TBC1D14: variants seen among roughly 807,000 people sequenced by gnomAD.
The protein encoded by TBC1D14 is TBC1 domain family, member 14.
A neutral mutation model predicts 79.0 loss-of-function variants in TBC1D14; 26 were observed. The ratio of observed to expected loss-of-function variants is 0.33; its 90% confidence interval spans 0.24 to 0.46. The LOEUF (loss-of-function observed/expected upper bound fraction) is 0.46. Among genes scored for constraint, TBC1D14 ranks in the 20% least tolerant of loss-of-function variants. TBC1D14 has a pLI of 1.00. For synonymous variants in TBC1D14, 394 were observed against 349.9 expected (o/e 1.13, Z -1.40); for missense variants, 769 against 887.6 (o/e 0.87, Z 1.70).
chr4:6,982,976 A>G (rs1717514656), intron 3 of TBC1D14, among the ~76,000 whole-genome samples: 1 of 152,166 alleles, frequency 6.6e-6, no homozygotes, highest in African/African-American at 2.4e-5. Context: ...TTTCCACTGT[A>G]TACACTTTTG....
rs1399126343 is a variant in TBC1D14 at position 7,002,912 on chromosome 4, A to T, written c.1270+1661A>T. 2.0e-5 allele frequency among the ~76,000 whole-genome samples: 3 copies of T among 152,190 alleles called. No homozygotes were observed. The East Asian group carries it at 5.8e-4, about 29-fold the overall frequency. ...CCTCATTTTCCTCTAGAGAAGGCTCAGCATCCTGGAAAGGCTAGGACTGTG... is the reference window on the plus strand; with the variant it reads ...CCTCATTTTCCTCTAGAGAAGGCTCTGCATCCTGGAAAGGCTAGGACTGTG... On this transcript the variant is annotated intron_variant, in intron 7 of 13. Transcript: ENST00000409757.
chr4:6,994,244 A>G lies in TBC1D14; in HGVS notation c.904A>G (p.Lys302Glu). ...KPPSPKQNVR[K>E]NLDFEPLSTT... ...ACCCTCTCCAAAGCAGAATGTGAGG[A>G]AGAATCTTGACTTTGAACCACTTTC... Residue 302 changes from lysine (K) to glutamate (E), a missense_variant, in exon 4 of 14, where the codon AAG (lysine) becomes GAG (glutamate). Transcript: ENST00000409757. 6.2e-7 allele frequency: 1 copy of G among 1,614,218 alleles called. No homozygotes were observed. The highest frequency in any genetic ancestry group is 8.5e-7 in the Non-Finnish European group (1 of 1,180,030).
At chr4:6,981,712 GGTCA>G (rs1166255430) in intron 3 of TBC1D14, among the ~76,000 whole-genome samples, 7 of 152,126 alleles carry the variant, frequency 4.6e-5, no homozygotes, top group African/African-American at 1.7e-4. Context: ...CACAAGGCTG[GGTCA>G]GTGTTTGAAA....
intron 3 of TBC1D14, among the ~76,000 whole-genome samples, chr4:6,990,857 A>C (rs1425085687): frequency 6.6e-6 from 1 of 152,230 alleles, no homozygotes; most frequent in African/African-American, 2.4e-5. Flanking sequence ...ATCCCTTGCT[A>C]GCCCGACCTT....
At chr4:6,984,366 C>A (rs1717637637) in intron 3 of TBC1D14, among the ~76,000 whole-genome samples, 1 of 152,050 alleles carries the variant, frequency 6.6e-6, no homozygotes, top group Admixed American at 6.6e-5. Flanking sequence ...GGTCAGGACT[C>A]CTCATTGTGG....
chr4:6,988,605 G>A (rs1718128764), intron 3 of TBC1D14, among the ~76,000 whole-genome samples: 1 of 152,230 alleles, frequency 6.6e-6, no homozygotes, highest in Non-Finnish European at 1.5e-5. Flanking sequence ...TTCCAGGCGC[G>A]CTCCCAAATC....
chr4:6,945,618 A>G (rs774404208), intron 2 of TBC1D14, among the ~76,000 whole-genome samples: 5 of 152,132 alleles, frequency 3.3e-5, no homozygotes, highest in Middle Eastern at 6.8e-3. Flanking sequence ...CGTGGTGGCA[A>G]CGCGCCTGTA....
chr4:6,993,985 G>C (rs957704449), intron 3 of TBC1D14, among the ~76,000 whole-genome samples, 199 bp from the exon 4 acceptor site: 2 of 152,216 alleles, frequency 1.3e-5, no homozygotes, highest in Non-Finnish European at 2.9e-5. Context: ...ACTCCAGCCT[G>C]GGCGACAGAG....
At chr4:6,963,555 C>G (rs112994840) in intron 2 of TBC1D14, among the ~76,000 whole-genome samples, 2,317 of 152,320 alleles carry the variant, frequency 0.015, 61 homozygotes, top group African/African-American at 0.053. Context: ...TTGGCTCCCC[C>G]TTGGCCTCCC....
chr4:6,918,696 G>C (rs1247136322), intron 1 of TBC1D14, among the ~76,000 whole-genome samples: 2 of 152,182 alleles, frequency 1.3e-5, no homozygotes, highest in African/African-American at 4.8e-5. Context: ...TTTAGCATAG[G>C]ATTTCCTCTT....
At chr4:7,021,777 G>T (rs1721863269) in intron 12 of TBC1D14, among the ~76,000 whole-genome samples, 1 of 152,092 alleles carries the variant, frequency 6.6e-6, no homozygotes, top group Non-Finnish European at 1.5e-5. Context: ...ACATCTTTTG[G>T]GAGAGAAAAA....
At chr4:7,001,284 C>T in intron 7 of TBC1D14, 33 bp downstream of exon 7, 1 of 1,568,348 alleles carries the variant, frequency 6.4e-7, no homozygotes, top group Non-Finnish European at 8.8e-7. Flanking sequence ...GGGAGTCCAC[C>T]TCCAGGCCCT....
At chr4:7,000,417 A>T (rs1287131544) in intron 6 of TBC1D14, among the ~76,000 whole-genome samples, 1 of 152,178 alleles carries the variant, frequency 6.6e-6, no homozygotes, top group Non-Finnish European at 1.5e-5. Flanking sequence ...AGAGGATGGT[A>T]TAGGTTCAGA....
chr4:6,950,357 C>T (rs1297871400), intron 2 of TBC1D14, among the ~76,000 whole-genome samples: 2 of 152,184 alleles, frequency 1.3e-5, no homozygotes, highest in African/African-American at 4.8e-5. Context: ...GAAAATCGTC[C>T]TGTCTGTGAA....
chr4:6,930,847 C>G (rs1711656617), intron 2 of TBC1D14, among the ~76,000 whole-genome samples: 1 of 150,704 alleles, frequency 6.6e-6, no homozygotes, highest in Middle Eastern at 3.6e-3. Context: ...GGAAACTGGC[C>G]TTTGTTTAAG....
At chr4:7,027,954 C>A (rs1722622041) in intron 13 of TBC1D14, among the ~76,000 whole-genome samples, 2 of 142,078 alleles carry the variant, frequency 1.4e-5, no homozygotes, top group Non-Finnish European at 3.1e-5. Context: ...CAGATCACCC[C>A]CCACACACAC....
chr4:7,018,289 C>T (rs936628156), intron 12 of TBC1D14, among the ~76,000 whole-genome samples: 3 of 152,226 alleles, frequency 2.0e-5, no homozygotes, highest in African/African-American at 7.2e-5. Context: ...TCCTCCTGCT[C>T]GCGGCAGGGG....
chr4:6,964,578 TA>T (rs1297841987), intron 2 of TBC1D14, among the ~76,000 whole-genome samples: 1 of 152,268 alleles, frequency 6.6e-6, no homozygotes, highest in East Asian at 1.9e-4. Flanking sequence ...TCTTAGATGT[TA>T]AACGGATTGA....
intron 13 of TBC1D14, among the ~76,000 whole-genome samples, chr4:7,028,543 C>T (rs1231779017): frequency 6.6e-6 from 1 of 151,960 alleles, no homozygotes; most frequent in East Asian, 1.9e-4. Context: ...TCTCTTGCCT[C>T]AGCCTCCCGA....
Sources: allele counts gnomAD v4.1 joint callset (sites outside exome capture counted in the v4.1 genomes callset), GRCh38; gene constraint gnomAD v4.1.1; transcripts MANE v1.5; gene names NCBI Gene and HGNC (gene_info 2026-07-23, HGNC 2026-07-21).